PREX2: variants seen among roughly 807,000 people sequenced by gnomAD.
PREX2 encodes the protein phosphatidylinositol-3,4,5-trisphosphate dependent Rac exchange factor 2.
Under a neutral mutation model 203.2 loss-of-function variants are expected in PREX2, and 107 were observed. The observed-to-expected ratio is 0.53, with a 90% CI of 0.45 to 0.62. The LOEUF (loss-of-function observed/expected upper bound fraction) is 0.62, where lower values mean the gene tolerates loss of function less well. PREX2 is among the 20% of genes least tolerant of loss of function. The pLI, the probability that PREX2 is intolerant of heterozygous loss-of-function variation, is 0.00. For synonymous variants in PREX2, 672 were observed against 663.6 expected (o/e 1.01, Z -0.19); for missense variants, 1,777 against 1,955.9 (o/e 0.91, Z 1.72).
intron 35 of PREX2, among the ~76,000 whole-genome samples, chr8:68,180,554 G>C (rs1045986361): frequency 5.8e-4 from 88 of 152,022 alleles, no homozygotes; most frequent in African/African-American, 2.1e-3. Context: ...GAATAGTGAG[G>C]CAAGCAGAAC....
chr8:68,188,208 T>C (rs1236933888), intron 35 of PREX2, among the ~76,000 whole-genome samples: 1 of 152,196 alleles, frequency 6.6e-6, no homozygotes, highest in Non-Finnish European at 1.5e-5. Context: ...CAAAACAATG[T>C]CATAGATCAG....
At chr8:68,049,999 T>C (rs1293328287) in intron 8 of PREX2, among the ~76,000 whole-genome samples, 1 of 152,092 alleles carries the variant, frequency 6.6e-6, no homozygotes, top group Non-Finnish European at 1.5e-5. Flanking sequence ...ATGAAGTATG[T>C]ATACTACATT....
At chr8:68,155,638 G>GT (rs1811529357) in intron 34 of PREX2, among the ~76,000 whole-genome samples, 1 of 152,114 alleles carries the variant, frequency 6.6e-6, no homozygotes, top group African/African-American at 2.4e-5. Flanking sequence ...TTTTGAAATT[G>GT]TTTATTAAAA....
intron 37 of PREX2, among the ~76,000 whole-genome samples, chr8:68,201,900 ATTTTTTTTTTT>A (rs869153263): frequency 3.1e-5 from 3 of 98,256 alleles, no homozygotes; most frequent in Admixed American, 1.2e-4. Context: ...GGTAACACCT[ATTTTTTTTTTT>A]TTTTTTTTTT....
chr8:67,980,952 C>G (rs538436545), intron 1 of PREX2, among the ~76,000 whole-genome samples: 1 of 152,144 alleles, frequency 6.6e-6, no homozygotes, highest in Non-Finnish European at 1.5e-5. Context: ...TACAACTGCG[C>G]GTGGCTTTCT....
rs115009280 is a variant in PREX2, at chr8:68,199,905, G to A, written c.4604+7380G>A. Among the ~76,000 whole-genome samples, 733 of 152,284 alleles carry A rather than the reference G, an allele frequency of 4.8e-3. 2 individuals are homozygous for A. Among genetic ancestry groups the A allele is most frequent in the African/African-American group, 0.017 (705 of 41,550 alleles). ...ATCAAAGAGTTCCCATAGGGCAGAC[G>A]ATGAAGCTGCATCTTTTCTCTACTG... On this transcript the variant is annotated intron_variant, in intron 37 of 39. Coordinates refer to ENST00000288368, the MANE Select transcript of PREX2 (RefSeq NM_024870.4).
chr8:68,027,291 C>T lies in PREX2; in HGVS notation c.511C>T (p.Gln171Ter). The T allele has an allele frequency of 6.2e-7, 1 of 1,610,000 alleles. No individual in the cohort carries two copies. Among genetic ancestry groups the T allele is most frequent in the Non-Finnish European group, 8.5e-7 (1 of 1,176,568 alleles). ...GGAAGGATATTTAGTAACACCAATA[C>T]AAAGAATATGCAAGTACCCTCTTAT... ...PLEGYLVTPI[Q>*]RICKYPLILK... The change falls in exon 5 of 40, where the codon CAA (glutamine) becomes TAA (stop). Residue 171 changes from glutamine to a stop codon, truncating the protein, a stop_gained. Coordinates refer to ENST00000288368, the MANE Select transcript of PREX2 (RefSeq NM_024870.4). LOFTEE classifies it high-confidence loss of function.
intron 15 of PREX2, among the ~76,000 whole-genome samples, chr8:68,077,689 A>G (rs1232841690): frequency 1.3e-5 from 2 of 152,166 alleles, no homozygotes; most frequent in Non-Finnish European, 1.5e-5. Context: ...TGCCATGACT[A>G]CTATCCTATT....
intron 1 of PREX2, among the ~76,000 whole-genome samples, chr8:67,995,527 G>GA (rs141155818): frequency 6.6e-6 from 1 of 152,040 alleles, no homozygotes; most frequent in Non-Finnish European, 1.5e-5. Context: ...TATTTATTTT[G>GA]AAAAAACTAT....
intron 22 of PREX2, among the ~76,000 whole-genome samples, chr8:68,097,853 T>G (rs1008494814): frequency 9.9e-5 from 15 of 152,238 alleles, no homozygotes; most frequent in Non-Finnish European, 2.9e-5. Flanking sequence ...TTTTCTTAAA[T>G]GTACATAATC....
At chr8:68,073,797 A>T (rs543610024) in intron 14 of PREX2, among the ~76,000 whole-genome samples, 2 of 152,262 alleles carry the variant, frequency 1.3e-5, no homozygotes, top group East Asian at 3.9e-4. Flanking sequence ...AACTTGTATG[A>T]TGTGTTGATT....
At chr8:68,102,970 C>T in intron 23 of PREX2, 1 of 515,872 alleles carries the variant, frequency 1.9e-6, no homozygotes, top group South Asian at 1.4e-5. Flanking sequence ...ACACTTTCTC[C>T]TTAAATTGTC....
At chr8:67,995,820 G>A (rs552684814) in intron 1 of PREX2, among the ~76,000 whole-genome samples, 147 of 152,234 alleles carry the variant, frequency 9.7e-4, no homozygotes, top group African/African-American at 3.4e-3. Context: ...GTTGACATAT[G>A]TTTCCATTTT....
At chr8:67,964,578 C>G (rs991837688) in intron 1 of PREX2, among the ~76,000 whole-genome samples, 2 of 152,110 alleles carry the variant, frequency 1.3e-5, no homozygotes, top group African/African-American at 2.4e-5. Context: ...ACATTTATCT[C>G]TCTCTTCAGA....
rs548280425 is a variant in PREX2, at chr8:68,044,453, T to C, written c.840-34T>C. 17 of 1,437,698 alleles carry C rather than the reference T, an allele frequency of 1.2e-5. No homozygotes were observed. In the South Asian group the frequency reaches 1.7e-4, roughly 15 times the overall value. The allele number at this position is 1,437,698 out of a possible 1,614,324, so 89.1% of individuals were successfully genotyped here. A position where few individuals can be genotyped will look rare whatever the true frequency, so the allele number is the denominator to read the frequency against. On this transcript the variant is annotated intron_variant, in intron 7 of 39. Transcript: ENST00000288368. ...TTTGACATTGTTTTACATTGTTTAG[T>C]AACAAAGTCTTTGTGATTTAATTCC...
At chr8:68,061,709 G>A (rs193100499) in intron 11 of PREX2, among the ~76,000 whole-genome samples, 1 of 152,346 alleles carries the variant, frequency 6.6e-6, no homozygotes, top group African/African-American at 2.4e-5. Flanking sequence ...TGAAAGAGAA[G>A]ATGCAGGCTT....
intron 26 of PREX2, among the ~76,000 whole-genome samples, chr8:68,116,675 C>A (rs1432138722): frequency 6.6e-6 from 1 of 152,168 alleles, no homozygotes; most frequent in Non-Finnish European, 1.5e-5. Context: ...AGTTTCCCTT[C>A]TTATGAGGAC....
intron 18 of PREX2, 96 bp from the exon 19 acceptor site, chr8:68,087,628 A>G: frequency 1.1e-6 from 1 of 887,582 alleles, no homozygotes. Flanking sequence ...GATCCTCAAT[A>G]TGTATTTATT....
intron 4 of PREX2, among the ~76,000 whole-genome samples, chr8:68,022,888 A>G (rs1807610959): frequency 6.6e-6 from 1 of 152,190 alleles, no homozygotes; most frequent in Non-Finnish European, 1.5e-5. Context: ...ATACAATGCA[A>G]TCTTTTGTGC....
Sources: allele counts gnomAD v4.1 joint callset (sites outside exome capture counted in the v4.1 genomes callset), GRCh38; gene constraint gnomAD v4.1.1; transcripts MANE v1.5; gene names NCBI Gene and HGNC (gene_info 2026-07-23, HGNC 2026-07-21).